SCEL: variants seen among roughly 807,000 people sequenced by gnomAD.
SCEL encodes the protein sciellin.
SCEL carries 113 observed loss-of-function variants against 117.6 expected under a neutral mutation model. The observed-to-expected ratio is 0.96, with a 90% confidence interval of 0.83 to 1.12. The LOEUF is 1.12. Ranked by LOEUF, SCEL falls within the 50% of genes most tolerant of loss-of-function variation. The probability of loss-of-function intolerance (pLI) is 0.00; values close to 1 mark genes in which losing one functional copy is unlikely to be tolerated. For synonymous variants in SCEL, 270 were observed against 256.2 expected, an observed-to-expected ratio of 1.05 and a Z score of -0.51; for missense variants, 785 against 810.8, an observed-to-expected ratio of 0.97 and a Z score of 0.39.
intron 9 of SCEL, among the ~76,000 whole-genome samples, chr13:77,581,735 G>A (rs9544544): frequency 0.1 from 15,637 of 152,190 alleles, 1,337 homozygotes; most frequent in East Asian, 0.44. Context: ...TAGTATTGCT[G>A]GAAGTTCTAT....
chr13:77,567,588 A>G (rs2085358142), intron 5 of SCEL, 92 bp from the exon 6 acceptor site: 2 of 845,194 alleles, frequency 2.4e-6, no homozygotes, highest in Non-Finnish European at 3.8e-6. Context: ...GAGAAAGGCT[A>G]TGTTGTTAAG....
chr13:77,549,884 G>A (rs182385505), intron 1 of SCEL, among the ~76,000 whole-genome samples: 46 of 152,262 alleles, frequency 3.0e-4, no homozygotes, highest in Admixed American at 2.1e-3. Flanking sequence ...GTGCCCATGA[G>A]GATGGGACTG....
intron 22 of SCEL, among the ~76,000 whole-genome samples, chr13:77,611,047 A>G (rs1356433226): frequency 2.0e-5 from 3 of 152,216 alleles, no homozygotes; most frequent in African/African-American, 4.8e-5. Flanking sequence ...CTTATTTTGC[A>G]TATTGGAATA....
At chr13:77,641,350 G>C (rs2090549555) in intron 31 of SCEL, among the ~76,000 whole-genome samples, 1 of 152,146 alleles carries the variant, frequency 6.6e-6, no homozygotes, top group South Asian at 2.1e-4. Context: ...ATAACATTGG[G>C]TGGATCAACA....
chr13:77,550,278 C>T (rs887309966), intron 1 of SCEL, among the ~76,000 whole-genome samples: 1 of 151,542 alleles, frequency 6.6e-6, no homozygotes, highest in Non-Finnish European at 1.5e-5. Context: ...CCAAGCTACT[C>T]AGGAGGCTGA....
chr13:77,578,707 A>G (rs1417606943), intron 9 of SCEL, among the ~76,000 whole-genome samples: 1 of 152,206 alleles, frequency 6.6e-6, no homozygotes, highest in East Asian at 1.9e-4. Flanking sequence ...CCACTAATCA[A>G]TGTGGGAAGA....
At chr13:77,607,223 A>T (rs1594103976) in intron 19 of SCEL, among the ~76,000 whole-genome samples, 1 of 152,160 alleles carries the variant, frequency 6.6e-6, no homozygotes, top group South Asian at 2.1e-4. Flanking sequence ...TAATTAAAAA[A>T]AAAAGATTAT....
intron 1 of SCEL, among the ~76,000 whole-genome samples, chr13:77,537,447 A>G (rs148351870): frequency 6.6e-6 from 1 of 152,380 alleles, no homozygotes; most frequent in African/African-American, 2.4e-5. Flanking sequence ...GCCACACTCC[A>G]TCACAGACTG....
chr13:77,551,931 G>A (rs1249039762), intron 1 of SCEL, among the ~76,000 whole-genome samples: 120 of 143,416 alleles, frequency 8.4e-4, no homozygotes, highest in African/African-American at 3.0e-3. Flanking sequence ...ATCTATGAGT[G>A]AGAATATGCG....
intron 9 of SCEL, among the ~76,000 whole-genome samples, chr13:77,584,607 T>C (rs2086458806): frequency 6.6e-6 from 1 of 152,224 alleles, no homozygotes; most frequent in African/African-American, 2.4e-5. Context: ...GTCATTAACA[T>C]GACTGTAACA....
intron 1 of SCEL, among the ~76,000 whole-genome samples, chr13:77,546,682 AC>A (rs750417975): frequency 4.1e-4 from 61 of 149,620 alleles, no homozygotes; most frequent in East Asian, 3.2e-3. Context: ...AACAACAACA[AC>A]AAAAAAAAAA....
intron 4 of SCEL, among the ~76,000 whole-genome samples, chr13:77,560,454 A>G (rs988062526): frequency 6.6e-6 from 1 of 151,986 alleles, no homozygotes; most frequent in African/African-American, 2.4e-5. Context: ...AACAAACAAC[A>G]ACAGCAACAT....
intron 15 of SCEL, among the ~76,000 whole-genome samples, chr13:77,600,871 T>C (rs1443483204): frequency 6.6e-6 from 1 of 152,222 alleles, no homozygotes; most frequent in Non-Finnish European, 1.5e-5. Context: ...ACAGTTATTT[T>C]TAAAAACCAT....
chr13:77,629,180 C>T (rs905332446), intron 28 of SCEL, among the ~76,000 whole-genome samples: 9 of 152,086 alleles, frequency 5.9e-5, no homozygotes, highest in Non-Finnish European at 1.0e-4. Flanking sequence ...GTGGCATTGC[C>T]GGGCCTCAGA....
At chr13:77,588,533 C>T (rs2154399805) in intron 9 of SCEL, among the ~76,000 whole-genome samples, 1 of 152,294 alleles carries the variant, frequency 6.6e-6, no homozygotes, top group African/African-American at 2.4e-5. Context: ...AATTGCCCAT[C>T]TCCAGTTCCT....
chr13:77,616,140 A>G (rs1045880959), intron 24 of SCEL, among the ~76,000 whole-genome samples: 2 of 151,560 alleles, frequency 1.3e-5, no homozygotes, highest in Non-Finnish European at 2.9e-5. Flanking sequence ...GTTCTAGATT[A>G]TTAGGTAAAT....
chr13:77,643,734 G>A (rs892148924), intron 32 of SCEL, among the ~76,000 whole-genome samples: 3 of 151,992 alleles, frequency 2.0e-5, no homozygotes, highest in Non-Finnish European at 4.4e-5. Flanking sequence ...AGAAACCCAC[G>A]TTCCATCAGG....
In SCEL at chr13:77,602,649, C is replaced by T; in HGVS notation, c.978-5C>T. 1 of 1,612,876 alleles carries T rather than the reference C, an allele frequency of 6.2e-7. No individual in the cohort carries two copies. Among genetic ancestry groups the T allele is most frequent in the South Asian group, 1.1e-5 (1 of 90,920 alleles). On this transcript the variant is annotated splice_region_variant and splice_polypyrimidine_tract_variant and intron_variant, in intron 16 of 32. Coordinates refer to ENST00000349847, the MANE Select transcript of SCEL (RefSeq NM_144777.3). ...AACTGACAAGTTTTGGTGTTTTTTC[C>T]AAAGAAGACAAAATCTCGAATCTGT...
chr13:77,637,078 A>C (rs775861476), intron 29 of SCEL, 42 bp from the exon 30 acceptor site: 1 of 1,027,232 alleles, frequency 9.7e-7, no homozygotes, highest in East Asian at 2.8e-5. Flanking sequence ...CTACATAAGG[A>C]AAATCACCTG....
Sources: allele counts gnomAD v4.1 joint callset (sites outside exome capture counted in the v4.1 genomes callset), GRCh38; gene constraint gnomAD v4.1.1; transcripts MANE v1.5; gene names NCBI Gene and HGNC (gene_info 2026-07-23, HGNC 2026-07-21).